Variants in TLE4 observed in about 807,000 individuals in gnomAD.
TLE4 encodes transducin-like enhancer protein 4.
A neutral mutation model predicts 92.8 loss-of-function variants in TLE4; 8 were observed. The observed-to-expected ratio is 0.09, with a 90% CI of 0.05 to 0.16. The LOEUF is 0.16. TLE4 is among the 10% of genes least tolerant of loss of function. The pLI, the probability that TLE4 is intolerant of heterozygous loss-of-function variation, is 1.00. For synonymous variants in TLE4, 371 were observed against 374.1 expected (o/e 0.99, Z 0.10); for missense variants, 675 against 997.6 (o/e 0.68, Z 4.36).
chr9:79,594,550 A>G (rs2043483269), intron 4 of TLE4, among the ~76,000 whole-genome samples: 1 of 152,038 alleles, frequency 6.6e-6, no homozygotes, highest in African/African-American at 2.4e-5. Context: ...CTTTGAAACA[A>G]TTCCTCATAT....
intron 5 of TLE4, 40 bp downstream of exon 5, chr9:79,612,758 A>C (rs571554951): frequency 6.3e-7 from 1 of 1,574,960 alleles, no homozygotes; most frequent in East Asian, 2.2e-5. Flanking sequence ...AGAAGTTGCC[A>C]TTTTAGTGGT....
chr9:79,594,382 G>C lies in TLE4; in HGVS notation c.252+18205G>C, dbSNP rs148266843. Among the ~76,000 whole-genome samples, 73 of 152,308 alleles carry C rather than the reference G, an allele frequency of 4.8e-4. 1 individual carries two copies. The highest frequency in any genetic ancestry group is 1.6e-3 in the Admixed American group (24 of 15,308). ...ATAGTTTATATAGTTCATGAAGTCTGTGTGCTGCTTGAATGAGATCTCACA... is the reference window on the plus strand; with the variant it reads ...ATAGTTTATATAGTTCATGAAGTCTCTGTGCTGCTTGAATGAGATCTCACA... On this transcript the variant is annotated intron_variant, in intron 4 of 19. Transcript: ENST00000376552.
In TLE4 at chr9:79,671,139, T is replaced by A. The variant is rs1330499702; in HGVS notation, c.609+17064T>A. 2.2e-5 allele frequency: 9 copies of A among 405,334 alleles called. No individual in the cohort carries two copies. The East Asian group carries it at 6.6e-4, about 30-fold the overall frequency. The allele number at this position is 405,334 out of a possible 1,614,324, so 25.1% of individuals were successfully genotyped here. ...TAGCTGATCCTAGCACATATTTAAT[T>A]CCATTGGGGATTTTGTGTTTAGGGA... On this transcript the variant is annotated intron_variant, in intron 8 of 19. Transcript: ENST00000376552.
chr9:79,592,210 T>TTCTTCTTCC (rs2042791512), intron 4 of TLE4, among the ~76,000 whole-genome samples: 1 of 129,184 alleles, frequency 7.7e-6, no homozygotes, highest in Non-Finnish European at 1.6e-5. Flanking sequence ...CTTCTTCTTC[T>TTCTTCTTCC]TCTTCCTCTT....
intron 4 of TLE4, among the ~76,000 whole-genome samples, chr9:79,581,637 A>G (rs779230395): frequency 2.2e-4 from 33 of 152,256 alleles, no homozygotes; most frequent in African/African-American, 4.3e-4. Flanking sequence ...GATTATATCC[A>G]ATCAAAAGTT....
chr9:79,708,143 C>T lies in TLE4; in HGVS notation c.962C>T (p.Ser321Leu), dbSNP rs1434617548. ...SLNEKSTTPV[S>L]KSNTPTPRTD... is the part of the protein sequence containing the mutation. Reference sequence around the variant, plus strand: ...AATGAAAAATCTACTACTCCCGTCTCAAAGTCCAATACCCCTACTCCACGA... The same window carrying T: ...AATGAAAAATCTACTACTCCCGTCTTAAAGTCCAATACCCCTACTCCACGA... Residue 321 changes from serine (S) to leucine (L), a missense_variant, in exon 12 of 20, where the codon TCA becomes TTA. Ser to Leu is a moderately radical substitution (Grantham distance 145). Transcript: ENST00000376552. 6.2e-7 allele frequency: 1 copy of T among 1,614,102 alleles called. No homozygotes were observed. The highest frequency in any genetic ancestry group is 8.5e-7 in the Non-Finnish European group (1 of 1,179,988).
intron 8 of TLE4, among the ~76,000 whole-genome samples, chr9:79,669,010 G>C (rs35109609): frequency 6.6e-6 from 1 of 152,066 alleles, no homozygotes; most frequent in Non-Finnish European, 1.5e-5. Context: ...CCTTCTGCTC[G>C]ATTATTTCAT....
intron 8 of TLE4, among the ~76,000 whole-genome samples, chr9:79,699,391 A>G (rs1565011717): frequency 1.3e-5 from 2 of 152,198 alleles, no homozygotes; most frequent in Non-Finnish European, 2.9e-5. Flanking sequence ...GAATTCCTAT[A>G]GTGACTGAAC....
chr9:79,708,125 A>T lies in TLE4; in HGVS notation c.944A>T (p.Lys315Ile), dbSNP rs1205422089. The change falls in exon 12 of 20, where the codon AAA becomes ATA. Residue 315 changes from lysine to isoleucine, a missense_variant. By Grantham distance (102) the Lys-to-Ile change is moderately radical. This residue lies in a region of TLE4 where 280 missense variants were observed against 287.3 expected (regional missense o/e 0.97). Transcript: ENST00000376552. ...SKSKELSLNE[K>I]STTPVSKSNT... ...GTCATTTCATCTTGTTAGAATGAAA[A>T]ATCTACTACTCCCGTCTCAAAGTCC... 6.2e-7 allele frequency: 1 copy of T among 1,613,854 alleles called. No homozygotes were observed. The highest frequency in any genetic ancestry group is 1.7e-5 in the Admixed American group (1 of 59,952).
At chr9:79,660,874 C>T (rs757137431) in intron 8 of TLE4, among the ~76,000 whole-genome samples, 1 of 152,170 alleles carries the variant, frequency 6.6e-6, no homozygotes, top group African/African-American at 2.4e-5. Flanking sequence ...GCAGCACCCT[C>T]CTCCGCCGAT....
chr9:79,705,278 G>C (rs751147595), intron 9 of TLE4, among the ~76,000 whole-genome samples: 5 of 152,230 alleles, frequency 3.3e-5, no homozygotes, highest in Non-Finnish European at 5.9e-5. Context: ...GGATTCATGT[G>C]CTGAAGGATA....
intron 4 of TLE4, among the ~76,000 whole-genome samples, chr9:79,582,639 CTTT>C (rs35195007): frequency 1.0e-4 from 12 of 115,630 alleles, no homozygotes; most frequent in East Asian, 2.5e-4. Context: ...TTTAATGTGG[CTTT>C]TTTTTTTTTT....
intron 1 of TLE4, 56 bp downstream of exon 1, chr9:79,572,891 G>A (rs1446818900): frequency 3.0e-5 from 46 of 1,538,736 alleles, no homozygotes; most frequent in Non-Finnish European, 4.0e-5. Context: ...TCCCCGCGTC[G>A]CCCCCTGCGC....
intron 4 of TLE4, among the ~76,000 whole-genome samples, chr9:79,604,842 T>C (rs922065835): frequency 6.6e-6 from 1 of 152,166 alleles, no homozygotes; most frequent in Non-Finnish European, 1.5e-5. Context: ...ATCATACATA[T>C]ATGTTGGGAA....
At chr9:79,578,285 A>C (rs2038566428) in intron 4 of TLE4, among the ~76,000 whole-genome samples, 1 of 152,154 alleles carries the variant, frequency 6.6e-6, no homozygotes, top group African/African-American at 2.4e-5. Context: ...TTATTCACTT[A>C]TTAGATTTGT....
chr9:79,707,148 A>G (rs1409809531), intron 11 of TLE4: 2 of 1,612,942 alleles, frequency 1.2e-6, no homozygotes, highest in Admixed American at 1.7e-5. Context: ...AAATTGAGTG[A>G]AACACGTCTT....
At chr9:79,678,831 C>T (rs2063819799) in intron 8 of TLE4, among the ~76,000 whole-genome samples, 1 of 138,982 alleles carries the variant, frequency 7.2e-6, no homozygotes, top group Admixed American at 7.9e-5. Flanking sequence ...TCCATGTGTT[C>T]TCGTTGTTCA....
chr9:79,710,750 A>G (rs985749114), intron 14 of TLE4, among the ~76,000 whole-genome samples: 1 of 151,812 alleles, frequency 6.6e-6, no homozygotes, highest in African/African-American at 2.4e-5. Context: ...CTTCCTCCCT[A>G]TTCTTTCCTC....
chr9:79,630,568 A>T lies in TLE4; in HGVS notation c.390+3120A>T, dbSNP rs916702802. The stretch of plus-strand genomic sequence containing the variant: ...CAGTTGGGCTAGGGGAACGTTATGG[A>T]TCTAGTTTGATTTTGTCATGTGTCC... On this transcript the variant is annotated intron_variant, in intron 6 of 19. Transcript: ENST00000376552. Among the ~76,000 whole-genome samples the T allele has an allele frequency of 3.3e-5, 5 of 152,068 alleles. 1 individual carries two copies. Among genetic ancestry groups the T allele is most frequent in the Admixed American group, 3.3e-4 (5 of 15,266 alleles).
Sources: gnomAD v4.1 joint callset for allele counts (sites outside exome capture counted in the v4.1 genomes callset) on GRCh38, gnomAD v4.1.1 for gene constraint, gnomAD v4.1.1 regional missense constraint, MANE v1.5 for transcripts, NCBI Gene and HGNC (gene_info 2026-07-23, HGNC 2026-07-21) for gene names.